Variants in VPS13B observed in about 807,000 individuals in gnomAD.
The protein encoded by VPS13B is intermembrane lipid transfer protein VPS13B.
VPS13B carries 285 observed loss-of-function variants against 426.4 expected under a neutral mutation model. The observed-to-expected ratio is 0.67, with a 90% CI of 0.61 to 0.74. The LOEUF is 0.74. Among genes scored for constraint, VPS13B ranks in the 30% least tolerant of loss-of-function variants. The pLI, the probability that VPS13B is intolerant of heterozygous loss-of-function variation, is 0.00. For synonymous variants in VPS13B, 1,676 were observed against 1,676.4 expected (o/e 1.00, Z 0.01); for missense variants, 4,537 against 4,782.6 (o/e 0.95, Z 1.51).
chr8:99,127,675 T>G (rs575819359), intron 8 of VPS13B, among the ~76,000 whole-genome samples: 16 of 152,280 alleles, frequency 1.1e-4, no homozygotes, highest in African/African-American at 3.1e-4. Context: ...TAAAAATTAT[T>G]GAGAACTCTG....
chr8:99,071,749 G>A (rs550448806), intron 3 of VPS13B, among the ~76,000 whole-genome samples: 2 of 152,254 alleles, frequency 1.3e-5, no homozygotes, highest in East Asian at 3.9e-4. Flanking sequence ...TCTGCTTGGT[G>A]TTCTGTTCTA....
At chr8:99,823,413 T>C (rs1814491574) in intron 50 of VPS13B, among the ~76,000 whole-genome samples, 1 of 152,186 alleles carries the variant, frequency 6.6e-6, no homozygotes. Context: ...TGGTTCATCA[T>C]AGGCATTAGT....
intron 19 of VPS13B, among the ~76,000 whole-genome samples, chr8:99,349,051 C>T (rs545619562): frequency 2.0e-4 from 31 of 151,814 alleles, no homozygotes; most frequent in Admixed American, 8.5e-4. Flanking sequence ...TTGAAAATAG[C>T]GGCCGGGCGC....
Position 99,875,623 on chromosome 8 carries a change from T to G in VPS13B, c.11951T>G (p.Phe3984Cys). Residue 3984 changes from phenylalanine (F) to cysteine (C), a missense_variant, in exon 62 of 62, where the codon TTT becomes TGT. Phe to Cys is a radical substitution (Grantham distance 205). This residue lies in a region of VPS13B where 4,311 missense variants were observed against 4,474.3 expected (regional missense o/e 0.96). Transcript: ENST00000357162. ...TTTGCTCAGGTCTTCCTTAGTAAAT[T>G]TACCATGGTGAAAAATAAAGCCCTG... is the stretch of plus-strand genomic sequence containing the variant. Reference protein sequence around the residue: ...PHFAQVFLSKFTMVKNKALRK... With the variant: ...PHFAQVFLSKCTMVKNKALRK... 1.9e-6 allele frequency: 3 copies of G among 1,614,170 alleles called. No homozygotes were observed. The highest frequency in any genetic ancestry group is 2.5e-6 in the Non-Finnish European group (3 of 1,180,042).
rs916997937 is a variant in VPS13B at position 99,823,433 on chromosome 8, G to T, written c.9184-399G>T. Among the ~76,000 whole-genome samples, 6 of 152,294 alleles carry T rather than the reference G, an allele frequency of 3.9e-5. No homozygotes were observed. The East Asian group carries it at 7.7e-4, about 20-fold the overall frequency. ...CATCATAGGCATTAGTGAGGCAGCT[G>T]CTGGGAGACCATGAGGAGGAGGAGG... On this transcript the variant is annotated intron_variant, in intron 50 of 61. Transcript: ENST00000357162.
At chr8:99,183,071 G>A (rs527350595) in intron 16 of VPS13B, among the ~76,000 whole-genome samples, 1 of 151,882 alleles carries the variant, frequency 6.6e-6, no homozygotes, top group South Asian at 2.1e-4. Flanking sequence ...AGGCCGTCAT[G>A]GAAAAAAAAG....
intron 17 of VPS13B, among the ~76,000 whole-genome samples, chr8:99,239,090 T>C (rs1816782416): frequency 6.6e-6 from 1 of 152,128 alleles, no homozygotes; most frequent in Non-Finnish European, 1.5e-5. Context: ...TGACCTTTAA[T>C]GAGCATCCCA....
At chr8:99,458,720 T>C (rs1196287392) in intron 23 of VPS13B, among the ~76,000 whole-genome samples, 1 of 152,258 alleles carries the variant, frequency 6.6e-6, no homozygotes, top group African/African-American at 2.4e-5. Flanking sequence ...ATGTCTTCTT[T>C]TGAGAAGTGT....
At chr8:99,484,847 C>T (rs1208516740) in intron 25 of VPS13B, among the ~76,000 whole-genome samples, 1 of 132,110 alleles carries the variant, frequency 7.6e-6, no homozygotes, top group African/African-American at 2.9e-5. Context: ...TGTGTCCTGT[C>T]TCAAAAAAAA....
At chr8:99,352,637 A>G (rs976733869) in intron 19 of VPS13B, among the ~76,000 whole-genome samples, 1 of 152,110 alleles carries the variant, frequency 6.6e-6, no homozygotes, top group Admixed American at 6.6e-5. Context: ...CAGCCTGGCC[A>G]ACATGGTGAA....
intron 43 of VPS13B, among the ~76,000 whole-genome samples, chr8:99,791,229 G>C (rs564534011): frequency 2.0e-5 from 3 of 152,138 alleles, no homozygotes; most frequent in South Asian, 2.1e-4. Flanking sequence ...GAGTGGTAGT[G>C]GTGGGGAACC....
At chr8:99,665,074 A>G (rs377603125) in intron 35 of VPS13B, among the ~76,000 whole-genome samples, 15 of 152,180 alleles carry the variant, frequency 9.9e-5, no homozygotes, top group Admixed American at 3.3e-4. Context: ...GCCAATGATG[A>G]TGAGCATTTT....
rs369344052 is a variant in VPS13B at position 99,033,590 on chromosome 8, C to A, written c.148-4833C>A. 1.8e-4 allele frequency among the ~76,000 whole-genome samples: 27 copies of A among 151,996 alleles called. No homozygotes were observed. In the East Asian group the frequency reaches 3.7e-3, roughly 21 times the overall value. On this transcript the variant is annotated intron_variant, in intron 2 of 61. Transcript: ENST00000357162. The stretch of plus-strand genomic sequence containing the variant: ...GATGAATCACTGTTGTCATATGTTT[C>A]TTTAATTATTTGAATATGAGGCTGG...
rs1266570851 is a variant in VPS13B, at chr8:99,585,108, A to G, written c.5220+7475A>G. On this transcript the variant is annotated intron_variant, in intron 33 of 61. Coordinates refer to ENST00000357162, the MANE Select transcript of VPS13B (RefSeq NM_152564.5). The stretch of plus-strand genomic sequence containing the variant: ...GCCATCAATAAAAAATAGTTTCAAC[A>G]TGGAGAAATAGCATGAATAAAGACG... 7.2e-5 allele frequency among the ~76,000 whole-genome samples: 11 copies of G among 152,338 alleles called. No individual in the cohort carries two copies. In the East Asian group the frequency reaches 2.1e-3, roughly 29 times the overall value.
intron 36 of VPS13B, among the ~76,000 whole-genome samples, chr8:99,703,673 A>G (rs1832379926): frequency 1.3e-5 from 2 of 152,176 alleles, no homozygotes; most frequent in African/African-American, 4.8e-5. Context: ...CAACGCAATC[A>G]TTTTTGCCAT....
At chr8:99,807,269 A>C (rs1465222910) in intron 43 of VPS13B, among the ~76,000 whole-genome samples, 2 of 152,248 alleles carry the variant, frequency 1.3e-5, no homozygotes, top group African/African-American at 2.4e-5. Flanking sequence ...AGCTGTGTAC[A>C]CAGAGTGAGC....
chr8:99,661,200 C>T (rs929314464), intron 34 of VPS13B, among the ~76,000 whole-genome samples, 154 bp from the exon 35 acceptor site: 1 of 152,120 alleles, frequency 6.6e-6, no homozygotes, highest in Non-Finnish European at 1.5e-5. Flanking sequence ...AGCGCGAGTG[C>T]TTGTTTACTG....
intron 17 of VPS13B, among the ~76,000 whole-genome samples, chr8:99,270,915 A>C (rs1409662410): frequency 1.3e-5 from 2 of 152,230 alleles, no homozygotes; most frequent in African/African-American, 4.8e-5. Flanking sequence ...TAAATAGAGT[A>C]GCTCAGCATC....
At chr8:99,111,540 C>T (rs1847368801) in intron 6 of VPS13B, among the ~76,000 whole-genome samples, 1 of 151,426 alleles carries the variant, frequency 6.6e-6, no homozygotes, top group African/African-American at 2.4e-5. Flanking sequence ...ATTAGTGTTT[C>T]TCTCTTCAAG....
Sources: gnomAD v4.1 joint callset for allele counts (sites outside exome capture counted in the v4.1 genomes callset) on GRCh38, gnomAD v4.1.1 for gene constraint, gnomAD v4.1.1 regional missense constraint, MANE v1.5 for transcripts, NCBI Gene and HGNC (gene_info 2026-07-23, HGNC 2026-07-21) for gene names.